Variants in PKDCC observed in about 807,000 individuals in gnomAD.
The protein encoded by PKDCC is extracellular tyrosine-protein kinase PKDCC.
A neutral mutation model predicts 44.7 loss-of-function variants in PKDCC; 35 were observed. The ratio of observed to expected loss-of-function variants is 0.78; its 90% CI spans 0.60 to 1.04. The LOEUF is 1.04. Ranked by LOEUF, PKDCC falls within the 50% of genes least tolerant of loss-of-function variation. The pLI is 0.00. For missense variants in PKDCC, 738 were observed against 672.7 expected (o/e 1.10, Z -1.07); for synonymous variants, 353 against 303.3 (o/e 1.16, Z -1.70).
chr2:42,056,875 T>G (rs1668065956), intron 5 of PKDCC, among the ~76,000 whole-genome samples: 1 of 152,258 alleles, frequency 6.6e-6, no homozygotes. Context: ...GTCTAAAATG[T>G]CCTGGCCTCA....
Position 42,054,321 on chromosome 2 carries a change from CT to C in PKDCC, c.1034+15del, listed in dbSNP as rs2103929456. 3 of 1,587,996 alleles carry C rather than the reference CT, an allele frequency of 1.9e-6. No homozygotes were observed. The highest frequency in any genetic ancestry group is 1.7e-5 in the Admixed American group (1 of 57,622). On this transcript the variant is annotated intron_variant, in intron 3 of 6. Transcript: ENST00000294964. The surrounding 1 kb of genome is among the most constrained non-coding windows in gnomAD (Gnocchi z 6.1). ...TAATGCCTACAGGTGACCTCCACCC[CT>C]GACTCGGGAACTCCATCGAAGGAGA...
intron 1 of PKDCC, among the ~76,000 whole-genome samples, chr2:42,050,611 C>CA (rs1174822537): frequency 1.3e-5 from 2 of 152,284 alleles, no homozygotes; most frequent in African/African-American, 4.8e-5. Context: ...GAAAAAATTA[C>CA]AACAGAATAG....
rs1667968091 is a variant in PKDCC, at chr2:42,051,530, T to C, written c.640-1709T>C. Reference sequence around the variant, plus strand: ...TTTATTTTTTCCTGAGGGGTGTTGATTAATACCTCGTTAACAGCGCATTTA... The same window carrying C: ...TTTATTTTTTCCTGAGGGGTGTTGACTAATACCTCGTTAACAGCGCATTTA... On this transcript the variant is annotated intron_variant, in intron 1 of 6. Coordinates refer to ENST00000294964, the MANE Select transcript of PKDCC (RefSeq NM_138370.3). This position sits in a 1 kb window ranked among gnomAD's most constrained non-coding sequence, Gnocchi z 4.2. Among the ~76,000 whole-genome samples, 2 of 152,146 alleles carry C rather than the reference T, an allele frequency of 1.3e-5. No homozygotes were observed. The highest frequency in any genetic ancestry group is 1.9e-4 in the East Asian group (1 of 5,176).
At chr2:42,057,496 A>G in intron 6 of PKDCC, 102 bp downstream of exon 6, 3 of 1,561,228 alleles carry the variant, frequency 1.9e-6, no homozygotes, top group Non-Finnish European at 2.6e-6. Flanking sequence ...TGCTGAGGTG[A>G]TGAGAGAGAG....
In PKDCC at chr2:42,057,636, G is replaced by A; in HGVS notation, c.1430G>A (p.Ser477Asn). 2 of 1,614,004 alleles carry A rather than the reference G, an allele frequency of 1.2e-6. No individual in the cohort carries two copies. The highest frequency in any genetic ancestry group is 1.7e-6 in the Non-Finnish European group (2 of 1,180,016). Residue 477 changes from serine (S) to asparagine (N), a missense_variant, in exon 7 of 7, where the codon AGC (serine) becomes AAC (asparagine). By Grantham distance (46) the Ser-to-Asn change is conservative (BLOSUM62 1). Coordinates refer to ENST00000294964, the MANE Select transcript of PKDCC (RefSeq NM_138370.3). Reference sequence around the variant, plus strand: ...CTGGTCTTTTTCAAGACTGGATGGAGCCAAGTGGTCCCTGATCCCAACAAG... The same window carrying A: ...CTGGTCTTTTTCAAGACTGGATGGAACCAAGTGGTCCCTGATCCCAACAAG... ...RQLVFFKTGW[S>N]QVVPDPNKTT...
rs1667921973 is a variant in PKDCC, at chr2:42,048,897, A to G, written c.639+59A>G. 4 of 1,392,392 alleles carry G rather than the reference A, an allele frequency of 2.9e-6. No homozygotes were observed. Among genetic ancestry groups the G allele is most frequent in the Non-Finnish European group, 3.7e-6 (4 of 1,068,188 alleles). The allele number at this position is 1,392,392 out of a possible 1,614,324, so 86.3% of individuals were successfully genotyped here. A position where few individuals can be genotyped will look rare whatever the true frequency, so the allele number is the denominator to read the frequency against. On this transcript the variant is annotated intron_variant, in intron 1 of 6. Coordinates refer to ENST00000294964, the MANE Select transcript of PKDCC (RefSeq NM_138370.3). The surrounding 1 kb of genome is among the most constrained non-coding windows in gnomAD (Gnocchi z 6.2). ...GGCTGGGAGTGCCCAAGACCTTGTC[A>G]ACCTGGCTGGAAGAGAACCCCTTGA...
chr2:42,057,297 C>T lies in PKDCC; in HGVS notation c.1299C>T (p.Cys433=). 1 of 1,614,230 alleles carries T rather than the reference C, an allele frequency of 6.2e-7. No homozygotes were observed. The highest frequency in any genetic ancestry group is 8.5e-7 in the Non-Finnish European group (1 of 1,180,044). The change falls in exon 6 of 7, where the codon TGC becomes TGT. Residue 433 remains cysteine, a synonymous_variant. Transcript: ENST00000294964. Reference sequence around the variant, plus strand: ...GGCCATCCTACCACCACGGGAGCTGCCTCCTTTCAGTGTTCAACCTGGCTG... The same window carrying T: ...GGCCATCCTACCACCACGGGAGCTGTCTCCTTTCAGTGTTCAACCTGGCTG... ...RCWPSYHHGS[C]LLSVFNLAEA...
At chr2:42,057,049 A>G (rs1391292963) in intron 5 of PKDCC, among the ~76,000 whole-genome samples, 172 bp from the exon 6 acceptor site, 1 of 152,244 alleles carries the variant, frequency 6.6e-6, no homozygotes, top group Admixed American at 6.5e-5. Flanking sequence ...TTGAGCAGTC[A>G]GCCCTGTTTC....
At chr2:42,056,948 G>A (rs1282014000) in intron 5 of PKDCC, among the ~76,000 whole-genome samples, 2 of 152,106 alleles carry the variant, frequency 1.3e-5, no homozygotes, top group African/African-American at 4.8e-5. Context: ...CCTTTCATGT[G>A]CCTGCTATCT....
chr2:42,053,494 C>A, intron 2 of PKDCC, 133 bp downstream of exon 2: 1 of 1,271,886 alleles, frequency 7.9e-7, no homozygotes, highest in Non-Finnish European at 1.1e-6. Flanking sequence ...CACAGGCTGA[C>A]TCAGCCACCG....
chr2:42,050,302 T>A (rs1471343126), intron 1 of PKDCC, among the ~76,000 whole-genome samples: 1 of 152,170 alleles, frequency 6.6e-6, no homozygotes, highest in Non-Finnish European at 1.5e-5. Context: ...ACTCTTTCCT[T>A]CCCAGGGACT....
At position 42,048,499 on chromosome 2, in the gene PKDCC, C is replaced by T. The variant is rs1667909149; in HGVS notation, c.300C>T (p.Pro100=). ...LAPGGPGLPR[P]RPPWARPLSD... ...CGGGCGGGCCCGGCCTGCCGCGCCCCCGGCCCCCTTGGGCCCGGCCCCTGT... is the reference window on the plus strand; with the variant it reads ...CGGGCGGGCCCGGCCTGCCGCGCCCTCGGCCCCCTTGGGCCCGGCCCCTGT... The change falls in exon 1 of 7, where the codon CCC becomes CCT. Residue 100 remains proline (P), a synonymous_variant. Coordinates refer to ENST00000294964, the MANE Select transcript of PKDCC (RefSeq NM_138370.3). This position sits in a 1 kb window ranked among gnomAD's most constrained non-coding sequence, Gnocchi z 6.2. The T allele has an allele frequency of 2.8e-6, 3 of 1,072,460 alleles. No individual in the cohort carries two copies. The highest frequency in any genetic ancestry group is 5.5e-5 in the Admixed American group (1 of 18,304). 66.4% of individuals were successfully genotyped at this position (1,072,460 alleles called of 1,614,324 possible).
At position 42,055,212 on chromosome 2, in the gene PKDCC, G is replaced by A. The variant is rs1668032808; in HGVS notation, c.1115-74G>A. On this transcript the variant is annotated intron_variant, in intron 4 of 6. Transcript: ENST00000294964. The surrounding 1 kb of genome is among the most constrained non-coding windows in gnomAD (Gnocchi z 4.5). ...GCACAGGCTCTGGAGGCAGAGGTGG[G>A]AGCAGCTGGCTGCTGACTTCAGGGA... 1.4e-6 allele frequency: 2 copies of A among 1,427,210 alleles called. No homozygotes were observed. The highest frequency in any genetic ancestry group is 1.2e-5 in the South Asian group (1 of 80,344). The allele number at this position is 1,427,210 out of a possible 1,614,324, so 88.4% of individuals were successfully genotyped here. A position where few individuals can be genotyped will look rare whatever the true frequency, so the allele number is the denominator to read the frequency against.
Position 42,055,140 on chromosome 2 carries a change from G to A in PKDCC, c.1114+120G>A. The A allele has an allele frequency of 1.5e-6, 2 of 1,327,934 alleles. No homozygotes were observed. Among genetic ancestry groups the A allele is most frequent in the Non-Finnish European group, 2.1e-6 (2 of 933,426 alleles). 82.3% of individuals were successfully genotyped at this position (1,327,934 alleles called of 1,614,324 possible). A position where few individuals can be genotyped will look rare whatever the true frequency, so the allele number is the denominator to read the frequency against. Reference sequence around the variant, plus strand: ...TCTAGAAACCATCACTTCCTAAGGTGGCATTCTGCCGCAACCTCCCCGCTC... The same window carrying A: ...TCTAGAAACCATCACTTCCTAAGGTAGCATTCTGCCGCAACCTCCCCGCTC... On this transcript the variant is annotated intron_variant, in intron 4 of 6. Transcript: ENST00000294964. The surrounding 1 kb of genome is among the most constrained non-coding windows in gnomAD (Gnocchi z 4.5).
At chr2:42,056,773 GAAAAA>G (rs575397277) in intron 5 of PKDCC, among the ~76,000 whole-genome samples, 1 of 149,344 alleles carries the variant, frequency 6.7e-6, no homozygotes, top group Admixed American at 6.7e-5. Context: ...AAAAAAAAAA[GAAAAA>G]AAAAGAAAAG....
At position 42,048,347 on chromosome 2, in the gene PKDCC, C is replaced by G; in HGVS notation, c.148C>G (p.Arg50Gly). 1 of 1,163,392 alleles carries G rather than the reference C, an allele frequency of 8.6e-7. No individual in the cohort carries two copies. The highest frequency in any genetic ancestry group is 1.1e-6 in the Non-Finnish European group (1 of 944,548). The allele number at this position is 1,163,392 out of a possible 1,614,324, so 72.1% of individuals were successfully genotyped here. A position where few individuals can be genotyped will look rare whatever the true frequency, so the allele number is the denominator to read the frequency against. The part of the protein sequence containing the change: ...EPSPAPGPGR[R>G]GGRGELARQI... The stretch of plus-strand genomic sequence containing the variant: ...TTCGCCGGCCCCGGGTCCGGGCCGT[C>G]GCGGGGGCCGCGGGGAGCTGGCCCG... The change falls in exon 1 of 7, where the codon CGC becomes GGC. Residue 50 changes from arginine to glycine, a missense_variant. Physicochemically the swap from Arg to Gly is moderately radical, Grantham distance 125 (BLOSUM62 -2). Coordinates refer to ENST00000294964, the MANE Select transcript of PKDCC (RefSeq NM_138370.3). The surrounding 1 kb of genome is among the most constrained non-coding windows in gnomAD (Gnocchi z 6.2).
At chr2:42,056,383 C>T (rs954341079) in intron 5 of PKDCC, among the ~76,000 whole-genome samples, 1 of 152,188 alleles carries the variant, frequency 6.6e-6, no homozygotes, top group Non-Finnish European at 1.5e-5. Context: ...GCCCCCTCCC[C>T]ACTCTAGCCA....
In PKDCC at chr2:42,054,426, A is replaced by G. The variant is rs916336956; in HGVS notation, c.1034+119A>G. The stretch of plus-strand genomic sequence containing the variant: ...GGGAGACTCAGCCTTGACCAGAGCA[A>G]GGGAAGGCTTCTACCCTGTCCAGAA... On this transcript the variant is annotated intron_variant, in intron 3 of 6. Transcript: ENST00000294964. The surrounding 1 kb of genome is among the most constrained non-coding windows in gnomAD (Gnocchi z 6.1). 26 of 1,243,418 alleles carry G rather than the reference A, an allele frequency of 2.1e-5. No homozygotes were observed. Among genetic ancestry groups the G allele is most frequent in the Non-Finnish European group, 2.8e-5 (25 of 898,920 alleles). 77.0% of individuals were successfully genotyped at this position (1,243,418 alleles called of 1,614,324 possible). A position where few individuals can be genotyped will look rare whatever the true frequency, so the allele number is the denominator to read the frequency against.
Position 42,057,818 on chromosome 2 carries a change from A to G in PKDCC, c.*130A>G. ...TGCAGACAAAGCTAACATCCCAGACAGACAGATGTGACCAGGACAAACGTG... is the reference window on the plus strand; with the variant it reads ...TGCAGACAAAGCTAACATCCCAGACGGACAGATGTGACCAGGACAAACGTG... On this transcript the variant is annotated 3_prime_UTR_variant, in exon 7 of 7. Transcript: ENST00000294964. 1.4e-6 allele frequency: 1 copy of G among 737,616 alleles called. No homozygotes were observed. Among genetic ancestry groups the G allele is most frequent in the Non-Finnish European group, 2.2e-6 (1 of 446,106 alleles). The allele number at this position is 737,616 out of a possible 1,614,324, so 45.7% of individuals were successfully genotyped here.
Sources: allele counts gnomAD v4.1 joint callset (sites outside exome capture counted in the v4.1 genomes callset), GRCh38; gene constraint gnomAD v4.1.1; non-coding constraint Gnocchi (gnomAD v3.1); transcripts MANE v1.5; gene names NCBI Gene and HGNC (gene_info 2026-07-23, HGNC 2026-07-21).